Variants in GSAP observed in about 807,000 individuals in gnomAD.
The protein encoded by GSAP is gamma-secretase-activating protein.
In GSAP, 118 loss-of-function variants were observed where a neutral mutation model predicts 131.7. The observed-to-expected ratio is 0.90, with a 90% CI of 0.77 to 1.04. The LOEUF (loss-of-function observed/expected upper bound fraction) is 1.04, where lower values mean the gene tolerates loss of function less well. Among genes scored for constraint, GSAP ranks in the 50% least tolerant of loss-of-function variants. The pLI, the probability that GSAP is intolerant of heterozygous loss-of-function variation, is 0.00. For synonymous variants in GSAP, 381 were observed against 363.4 expected (o/e 1.05, Z -0.55); for missense variants, 1,019 against 1,013.2 (o/e 1.01, Z -0.08).
intron 5 of GSAP, among the ~76,000 whole-genome samples, chr7:77,395,709 G>C (rs1298360504): frequency 1.3e-5 from 2 of 152,138 alleles, no homozygotes; most frequent in Non-Finnish European, 2.9e-5. Context: ...CTAGGCTCTG[G>C]GGAAATGTGT....
At chr7:77,408,705 A>G (rs974872891) in intron 1 of GSAP, among the ~76,000 whole-genome samples, 3 of 151,692 alleles carry the variant, frequency 2.0e-5, no homozygotes, top group Middle Eastern at 3.4e-3. Context: ...AAAAAAAAAA[A>G]AAAAAAAAGA....
chr7:77,312,054 C>T (rs1417806310), intron 29 of GSAP, 47 bp downstream of exon 29: 5 of 1,312,588 alleles, frequency 3.8e-6, no homozygotes, highest in Non-Finnish European at 5.4e-6. Context: ...CACGGGCAAA[C>T]AGGATCCTAA....
At chr7:77,398,244 C>G (rs1800758667) in intron 3 of GSAP, among the ~76,000 whole-genome samples, 1 of 152,094 alleles carries the variant, frequency 6.6e-6, no homozygotes, top group African/African-American at 2.4e-5. Flanking sequence ...TATCTGCACA[C>G]TAAAAAAGTA....
intron 1 of GSAP, among the ~76,000 whole-genome samples, chr7:77,407,806 C>A (rs1802562195): frequency 6.6e-6 from 1 of 152,108 alleles, no homozygotes; most frequent in African/African-American, 2.4e-5. Flanking sequence ...GCAAGGGACA[C>A]ATAAGAATGT....
At chr7:77,351,210 A>G (rs1792820153) in intron 18 of GSAP, 1 of 982,692 alleles carries the variant, frequency 1.0e-6, no homozygotes, top group Non-Finnish European at 1.2e-6. Context: ...TTCATTTATC[A>G]CTACAGAGGA....
chr7:77,317,376 G>A (rs904599498), intron 26 of GSAP, among the ~76,000 whole-genome samples: 1 of 128,858 alleles, frequency 7.8e-6, no homozygotes, highest in Non-Finnish European at 1.6e-5. Flanking sequence ...GGGGCCTGTC[G>A]TGGGGTTGGG....
chr7:77,350,905 T>C (rs1289714802), intron 18 of GSAP, among the ~76,000 whole-genome samples: 5 of 152,182 alleles, frequency 3.3e-5, no homozygotes, highest in Admixed American at 3.3e-4. Flanking sequence ...TATTCACTAT[T>C]ATTTTGAAAA....
chr7:77,383,612 ATG>A (rs1033564429), intron 6 of GSAP, among the ~76,000 whole-genome samples: 5 of 152,164 alleles, frequency 3.3e-5, no homozygotes, highest in Non-Finnish European at 5.9e-5. Flanking sequence ...GCCCACCACT[ATG>A]TGTCTGTTTG....
At chr7:77,336,625 A>G (rs984766930) in intron 19 of GSAP, among the ~76,000 whole-genome samples, 8 of 152,176 alleles carry the variant, frequency 5.3e-5, no homozygotes, top group African/African-American at 1.9e-4. Context: ...AGTAGCTGGG[A>G]CTACAGGCGC....
chr7:77,343,343 A>G (rs1466033440), intron 19 of GSAP, among the ~76,000 whole-genome samples: 2 of 152,086 alleles, frequency 1.3e-5, no homozygotes, highest in African/African-American at 2.4e-5. Context: ...CATTGCCTTA[A>G]CTCAAGCCCT....
At chr7:77,393,540 A>T (rs1261971658) in intron 5 of GSAP, among the ~76,000 whole-genome samples, 1 of 151,940 alleles carries the variant, frequency 6.6e-6, no homozygotes, top group East Asian at 1.9e-4. Flanking sequence ...TCCCATACAC[A>T]CATACACACC....
chr7:77,384,612 T>G (rs1798274808), intron 6 of GSAP, among the ~76,000 whole-genome samples: 1 of 152,222 alleles, frequency 6.6e-6, no homozygotes, highest in South Asian at 2.1e-4. Flanking sequence ...CCACTGGAAC[T>G]ATCTTGAAGA....
chr7:77,361,819 G>C (rs989711318), intron 13 of GSAP, among the ~76,000 whole-genome samples: 1 of 152,170 alleles, frequency 6.6e-6, no homozygotes, highest in African/African-American at 2.4e-5. Context: ...GCATTTGACT[G>C]CTTCTCCCTA....
chr7:77,352,055 CAAAG>C (rs1437591211), intron 18 of GSAP, among the ~76,000 whole-genome samples: 1 of 152,090 alleles, frequency 6.6e-6, no homozygotes, highest in Non-Finnish European at 1.5e-5. Context: ...CAGTAAAAGA[CAAAG>C]AAAAGGCCTT....
Position 77,396,809 on chromosome 7 carries a change from G to GA in GSAP, c.367+172dup, listed in dbSNP as rs879068255. Among the ~76,000 whole-genome samples the GA allele has an allele frequency of 1.3e-4, 20 of 150,372 alleles. No individual in the cohort carries two copies. In the South Asian group the frequency reaches 1.5e-3, roughly 11 times the overall value. On this transcript the variant is annotated intron_variant, in intron 5 of 30. Coordinates refer to ENST00000257626, the MANE Select transcript of GSAP (RefSeq NM_017439.4). ...ATTGTCTGTCCTTTTCTGTTTGCTT[G>GA]AAAAAAAAATTTTTTTTAAGTCTTT...
At chr7:77,384,080 A>T (rs560934208) in intron 6 of GSAP, among the ~76,000 whole-genome samples, 1 of 152,380 alleles carries the variant, frequency 6.6e-6, no homozygotes, top group South Asian at 2.1e-4. Flanking sequence ...GTCACACATC[A>T]AACAAGATAC....
chr7:77,311,626 G>A (rs1240043303), intron 30 of GSAP, 177 bp from the exon 31 acceptor site: 8 of 589,052 alleles, frequency 1.4e-5, no homozygotes, highest in Admixed American at 3.0e-5. Flanking sequence ...CAACCAAATG[G>A]GCTTTAAACC....
intron 8 of GSAP, among the ~76,000 whole-genome samples, 154 bp from the exon 9 acceptor site, chr7:77,377,544 A>G (rs1237497129): frequency 6.6e-6 from 1 of 152,118 alleles, no homozygotes; most frequent in African/African-American, 2.4e-5. Context: ...CCTAGTATAC[A>G]CAGTCTTTCC....
intron 19 of GSAP, among the ~76,000 whole-genome samples, chr7:77,340,538 T>C (rs1188373615): frequency 6.6e-6 from 1 of 152,134 alleles, no homozygotes; most frequent in Non-Finnish European, 1.5e-5. Flanking sequence ...CACTCTCTTT[T>C]CCAGCCTCTC....
Sources: allele counts gnomAD v4.1 joint callset (sites outside exome capture counted in the v4.1 genomes callset), GRCh38; gene constraint gnomAD v4.1.1; transcripts MANE v1.5; gene names NCBI Gene and HGNC (gene_info 2026-07-23, HGNC 2026-07-21).